PCDH10: variants seen among roughly 807,000 people sequenced by gnomAD.
PCDH10 encodes the protein protocadherin 10, also known as protocadherin-10.
Under a neutral mutation model 74.4 loss-of-function variants are expected in PCDH10, and 15 were observed. The ratio of observed to expected loss-of-function variants is 0.20; its 90% CI spans 0.13 to 0.31. PCDH10 has a LOEUF of 0.31. Ranked by LOEUF, PCDH10 falls within the 10% of genes least tolerant of loss-of-function variation. PCDH10 has a pLI of 1.00. For missense variants in PCDH10, 1,260 were observed against 1,390.2 expected, an observed-to-expected ratio of 0.91 and a Z score of 1.49; for synonymous variants, 619 against 589.8, an observed-to-expected ratio of 1.05 and a Z score of -0.72.
rs758313036 is a variant in PCDH10, at chr4:133,155,062, A to G, written c.2797+39A>G. On this transcript the variant is annotated intron_variant, in intron 3 of 4. Transcript: ENST00000264360. ...AAGGGCAATCTAAATGCTAACTTTT[A>G]TAGTTTTTGTTTTTAAAAATAAACG... The G allele has an allele frequency of 4.2e-5, 57 of 1,364,986 alleles. 1 individual carries two copies. The highest frequency in any genetic ancestry group is 1.9e-5 in the Non-Finnish European group (18 of 953,430). 84.6% of individuals were successfully genotyped at this position (1,364,986 alleles called of 1,614,324 possible). A position where few individuals can be genotyped will look rare whatever the true frequency, so the allele number is the denominator to read the frequency against.
At position 133,206,817 on chromosome 4, in the gene PCDH10, T is replaced by A. The variant is rs917501969; in HGVS notation, n.438-1259T>A. 2.6e-5 allele frequency among the ~76,000 whole-genome samples: 4 copies of A among 152,304 alleles called. No homozygotes were observed. In the South Asian group the frequency reaches 8.3e-4, roughly 32 times the overall value. On this transcript the variant is annotated intron_variant and non_coding_transcript_variant, in intron 2 of 2. Transcript: ENST00000511112. ...CATAAAAAGAAAAGTCTTATAAGCA[T>A]AATGCAGAATGTCATGAGGAAATTT...
intron 2 of PCDH10, among the ~76,000 whole-genome samples, chr4:133,199,979 TA>T (rs1361988497): frequency 6.6e-6 from 1 of 151,124 alleles, no homozygotes; most frequent in African/African-American, 2.4e-5. Flanking sequence ...TTTGTATTTT[TA>T]TTAGAGACGG....
rs540285357 is a variant in PCDH10, at chr4:133,191,023, T to C, written c.*863T>C. On this transcript the variant is annotated 3_prime_UTR_variant, in exon 5 of 5. Coordinates refer to ENST00000264360, the MANE Select transcript of PCDH10 (RefSeq NM_032961.3). ...GAATTTTCAATGCCAAAGATGTAGC[T>C]ATTGATGTTATCAGACAGAGCACTG... 1.7e-4 allele frequency: 26 copies of C among 152,514 alleles called. No homozygotes were observed. Among genetic ancestry groups the C allele is most frequent in the African/African-American group, 5.8e-4 (24 of 41,552 alleles). 9.4% of individuals were successfully genotyped at this position (152,514 alleles called of 1,614,324 possible). A position where few individuals can be genotyped will look rare whatever the true frequency, so the allele number is the denominator to read the frequency against.
Position 133,151,982 on chromosome 4 carries a change from C to G in PCDH10, c.1842C>G (p.Ala614=), listed in dbSNP as rs375835524. ...AAVDADDGEN[A]RLTYSIVRGN... ...TGGACGCGGACGACGGCGAGAACGC[C>G]CGGCTCACTTACAGCATCGTGCGTG... Residue 614 remains alanine (A), a synonymous_variant, in exon 1 of 5, where the codon GCC becomes GCG. Coordinates refer to ENST00000264360, the MANE Select transcript of PCDH10 (RefSeq NM_032961.3). 5.6e-6 allele frequency: 9 copies of G among 1,612,564 alleles called. No individual in the cohort carries two copies. The highest frequency in any genetic ancestry group is 7.6e-6 in the Non-Finnish European group (9 of 1,179,822).
rs1031913201 is a variant in PCDH10 at position 133,193,959 on chromosome 4, G to T, written c.*3799G>T. On this transcript the variant is annotated 3_prime_UTR_variant, in exon 5 of 5. Coordinates refer to ENST00000264360, the MANE Select transcript of PCDH10 (RefSeq NM_032961.3). ...GAGTAGTAAAATTATTTTATATATT[G>T]TTAGTACTTCAACAAACATCCCTCT... 6 of 151,436 alleles carry T rather than the reference G, an allele frequency of 4.0e-5. No homozygotes were observed. Among genetic ancestry groups the T allele is most frequent in the Non-Finnish European group, 7.4e-5 (5 of 67,636 alleles). The allele number at this position is 151,436 out of a possible 1,614,324, so 9.4% of individuals were successfully genotyped here.
chr4:133,164,613 A>C (rs1727041009), intron 4 of PCDH10, among the ~76,000 whole-genome samples: 2 of 151,870 alleles, frequency 1.3e-5, no homozygotes, highest in Admixed American at 1.3e-4. Context: ...TGGGAAAATC[A>C]ACTTGCCCTC....
At chr4:133,167,279 G>T (rs553689948) in intron 4 of PCDH10, among the ~76,000 whole-genome samples, 108 of 151,626 alleles carry the variant, frequency 7.1e-4, no homozygotes, top group African/African-American at 2.5e-3. Context: ...GATTGAAATT[G>T]TAGAACATGT....
In PCDH10 at chr4:133,150,778, G is replaced by A. The variant is rs1233828172; in HGVS notation, c.638G>A (p.Gly213Glu). ...GACGGAGGAGGTGGGGGAGGAGTAG[G>A]AGAAGGAGGGGGAGGTGGCGGGGGA... ...AVDGGGGGGV[G>E]EGGGGGGGAG... is the part of the protein sequence containing the mutation. Residue 213 changes from glycine to glutamate, a missense_variant, in exon 1 of 5, where the codon GGA becomes GAA. Gly to Glu is a moderately conservative substitution (Grantham distance 98, BLOSUM62 -2). Around this residue, in one of 11 missense-constraint regions of PCDH10, gnomAD observed 192 missense variants for 161.2 expected, o/e 1.19. Transcript: ENST00000264360. The A allele has an allele frequency of 2.6e-6, 4 of 1,560,416 alleles. No individual in the cohort carries two copies. The highest frequency in any genetic ancestry group is 2.3e-5 in the East Asian group (1 of 44,250).
intron 4 of PCDH10, among the ~76,000 whole-genome samples, chr4:133,170,664 G>A (rs1361684781): frequency 2.7e-5 from 4 of 148,052 alleles, no homozygotes; most frequent in Non-Finnish European, 5.9e-5. Flanking sequence ...ACAGATACAT[G>A]ATTCAATTCA....
intron 4 of PCDH10, among the ~76,000 whole-genome samples, chr4:133,171,591 T>G (rs1408091103): frequency 3.3e-5 from 5 of 152,024 alleles, no homozygotes; most frequent in African/African-American, 9.7e-5. Context: ...TATAATAAAT[T>G]TGTCATGATG....
chr4:133,150,880 T>G lies in PCDH10; in HGVS notation c.740T>G (p.Val247Gly), dbSNP rs1310590814. 6.2e-7 allele frequency: 1 copy of G among 1,610,370 alleles called. No homozygotes were observed. The highest frequency in any genetic ancestry group is 1.3e-5 in the African/African-American group (1 of 74,534). ...CGAGTGCTGGACTCCAATGACAATG[T>G]GCCCGCTTTCGACCAACCCGTCTAC... is the stretch of plus-strand genomic sequence containing the variant. ...TIRVLDSNDNVPAFDQPVYTV... is the reference protein window; with the variant it reads ...TIRVLDSNDNGPAFDQPVYTV... Residue 247 changes from valine (V) to glycine (G), a missense_variant, in exon 1 of 5, where the codon GTG becomes GGG. Around this residue, in one of 11 missense-constraint regions of PCDH10, gnomAD observed 192 missense variants for 161.2 expected, o/e 1.19. Transcript: ENST00000264360.
intron 4 of PCDH10, among the ~76,000 whole-genome samples, chr4:133,183,867 T>C (rs1727471205): frequency 6.6e-6 from 1 of 152,170 alleles, no homozygotes. Flanking sequence ...ATTATTATGC[T>C]CAACATGCTT....
chr4:133,204,228 A>G (rs1727959204), intron 2 of PCDH10, among the ~76,000 whole-genome samples: 1 of 152,176 alleles, frequency 6.6e-6, no homozygotes, highest in Non-Finnish European at 1.5e-5. Flanking sequence ...CCTGGGAGCC[A>G]TGCTTAATTC....
At chr4:133,201,037 T>G (rs961264463) in intron 2 of PCDH10, among the ~76,000 whole-genome samples, 2 of 152,216 alleles carry the variant, frequency 1.3e-5, no homozygotes, top group Non-Finnish European at 2.9e-5. Context: ...ATGTAGGCAT[T>G]TTTATTCCTC....
chr4:133,149,948 A>G lies in PCDH10; in HGVS notation c.-193A>G. On this transcript the variant is annotated 5_prime_UTR_variant, in exon 1 of 5. Coordinates refer to ENST00000264360, the MANE Select transcript of PCDH10 (RefSeq NM_032961.3). ...CCTTCCTGTGCTAAGATTTAAAAAA[A>G]AATGAGGCTGGATTGCGGGAAGCTC... The G allele has an allele frequency of 1.4e-6, 1 of 698,540 alleles. No homozygotes were observed. The highest frequency in any genetic ancestry group is 2.1e-6 in the Non-Finnish European group (1 of 475,794). 43.3% of individuals were successfully genotyped at this position (698,540 alleles called of 1,614,324 possible). A position where few individuals can be genotyped will look rare whatever the true frequency, so the allele number is the denominator to read the frequency against.
At chr4:133,156,214 G>C (rs2125860720) in intron 3 of PCDH10, among the ~76,000 whole-genome samples, 1 of 152,358 alleles carries the variant, frequency 6.6e-6, no homozygotes, top group East Asian at 1.9e-4. Flanking sequence ...TGGTGGCCTG[G>C]CAGCAGTGGT....
chr4:133,203,603 GT>G (rs1258228205), intron 2 of PCDH10, among the ~76,000 whole-genome samples: 7 of 152,178 alleles, frequency 4.6e-5, no homozygotes, highest in Non-Finnish European at 7.4e-5. Context: ...TGACCCAGAG[GT>G]CATTCTCAAA....
chr4:133,149,901 G>T lies in PCDH10; in HGVS notation c.-240G>T. ...ATTAGTCAGTGGAAAGATTACAGAT[G>T]AGGAAAGGGGACGCCTGTCACCCTT... On this transcript the variant is annotated 5_prime_UTR_variant, in exon 1 of 5. It removes an upstream start codon present in the reference 5' UTR. Transcript: ENST00000264360. 1 of 420,484 alleles carries T rather than the reference G, an allele frequency of 2.4e-6. No individual in the cohort carries two copies. The highest frequency in any genetic ancestry group is 4.2e-6 in the Non-Finnish European group (1 of 239,678). The allele number at this position is 420,484 out of a possible 1,614,324, so 26.0% of individuals were successfully genotyped here.
chr4:133,183,328 G>T (rs954233007), intron 4 of PCDH10, among the ~76,000 whole-genome samples: 2 of 151,986 alleles, frequency 1.3e-5, no homozygotes, highest in African/African-American at 4.8e-5. Flanking sequence ...TTATGAGAAG[G>T]TAGTTTTGAT....
Sources: allele counts gnomAD v4.1 joint callset (sites outside exome capture counted in the v4.1 genomes callset), GRCh38; gene constraint gnomAD v4.1.1; regional missense constraint gnomAD v4.1.1; transcripts MANE v1.5; gene names NCBI Gene and HGNC (gene_info 2026-07-23, HGNC 2026-07-21).